The following SAP130 variants were observed in gnomAD, a reference collection of about 807,000 sequenced individuals.
The protein encoded by SAP130 is Sin3A associated protein 130.
In SAP130, 16 loss-of-function variants were observed where a neutral mutation model predicts 103.2. That is an observed-to-expected ratio of 0.16 (90% CI 0.10 to 0.24). The LOEUF is 0.24. Ranked by LOEUF, SAP130 falls within the 10% of genes least tolerant of loss-of-function variation. The pLI, the probability that SAP130 is intolerant of heterozygous loss-of-function variation, is 1.00. For synonymous variants in SAP130, 477 were observed against 497.0 expected, an observed-to-expected ratio of 0.96 and a Z score of 0.53; for missense variants, 990 against 1,359.7, an observed-to-expected ratio of 0.73 and a Z score of 4.28.
At chr2:127,958,027 T>C (rs1008033331) in intron 15 of SAP130, among the ~76,000 whole-genome samples, 1 of 152,150 alleles carries the variant, frequency 6.6e-6, no homozygotes, top group Admixed American at 6.5e-5. Flanking sequence ...ATACAGCACA[T>C]ATAAAACCAA....
intron 2 of SAP130, among the ~76,000 whole-genome samples, chr2:128,023,214 G>A (rs1025739061): frequency 6.6e-6 from 1 of 151,764 alleles, no homozygotes; most frequent in East Asian, 1.9e-4. Context: ...AGCTGGTCTC[G>A]AACTCCTGGC....
chr2:128,027,360 G>T (rs1392642646), intron 1 of SAP130: 1 of 1,148,988 alleles, frequency 8.7e-7, no homozygotes, highest in Middle Eastern at 3.6e-4. Flanking sequence ...GTCAGTGGAG[G>T]CCCAGGACCA....
At chr2:127,968,974 G>A (rs992699035) in intron 15 of SAP130, among the ~76,000 whole-genome samples, 2 of 152,126 alleles carry the variant, frequency 1.3e-5, no homozygotes, top group Non-Finnish European at 1.5e-5. Context: ...GAGACTACGC[G>A]ACTCACAAAA....
At position 127,953,189 on chromosome 2, in the gene SAP130, G is replaced by A. The variant is rs72838488; in HGVS notation, c.2422+1797C>T. 3.3e-5 allele frequency among the ~76,000 whole-genome samples: 5 copies of A among 152,296 alleles called. No homozygotes were observed. Among genetic ancestry groups the A allele is most frequent in the Admixed American group, 6.5e-5 (1 of 15,294 alleles). On this transcript the variant is annotated intron_variant, in intron 16 of 20. Transcript: ENST00000643581. The surrounding 1 kb of genome is among the most constrained non-coding windows in gnomAD (Gnocchi z 4.0). ...GCCAATGGCAACTCTATGGCTTCCA[G>A]TTGCTAAGGCCAAAAATCTTGGAAA...
chr2:127,959,232 G>A (rs766108827), intron 15 of SAP130, among the ~76,000 whole-genome samples: 4 of 152,094 alleles, frequency 2.6e-5, no homozygotes, highest in Non-Finnish European at 5.9e-5. Context: ...ACAGGGCGCT[G>A]GAGAAGCTGA....
At chr2:128,002,434 G>A (rs554446012) in intron 7 of SAP130, among the ~76,000 whole-genome samples, 56 of 152,064 alleles carry the variant, frequency 3.7e-4, no homozygotes, top group African/African-American at 1.3e-3. Flanking sequence ...GAGGCTGAGG[G>A]AGGAGAATCA....
intron 10 of SAP130, among the ~76,000 whole-genome samples, chr2:127,997,777 C>T (rs764775126): frequency 6.6e-6 from 1 of 152,060 alleles, no homozygotes; most frequent in Non-Finnish European, 1.5e-5. Flanking sequence ...CCAGACATAC[C>T]CCACCACTCA....
At chr2:127,968,417 T>C (rs1680826686) in intron 15 of SAP130, among the ~76,000 whole-genome samples, 1 of 144,660 alleles carries the variant, frequency 6.9e-6, no homozygotes. Flanking sequence ...GGAGTTGGTT[T>C]TTTTTTTTTT....
At chr2:127,949,368 G>T (rs1413745211) in intron 18 of SAP130, among the ~76,000 whole-genome samples, 1 of 152,178 alleles carries the variant, frequency 6.6e-6, no homozygotes, top group African/African-American at 2.4e-5. Context: ...TTATTCTCAG[G>T]TTCCACCAGA....
rs146434664 is a variant in SAP130, at chr2:128,022,415, G to A, written c.112+3766C>T. ...TGGCTATTATGAATACAGTTTCTAC[G>A]AACATGTGAATATAAGTCCTTGTAT... On this transcript the variant is annotated intron_variant, in intron 2 of 20. Coordinates refer to ENST00000643581, the MANE Select transcript of SAP130 (RefSeq NM_001330301.2). Among the ~76,000 whole-genome samples, 914 of 152,212 alleles carry A rather than the reference G, an allele frequency of 6.0e-3. 1 individual carries two copies. The highest frequency in any genetic ancestry group is 7.2e-3 in the Non-Finnish European group (489 of 68,012).
intron 16 of SAP130, among the ~76,000 whole-genome samples, chr2:127,954,619 G>C (rs954531099): frequency 2.0e-5 from 3 of 152,026 alleles, no homozygotes; most frequent in Non-Finnish European, 4.4e-5. Context: ...AATGAAACTT[G>C]GAATAAATAG....
At chr2:127,979,304 A>G (rs1488115064) in intron 14 of SAP130, among the ~76,000 whole-genome samples, 1 of 152,176 alleles carries the variant, frequency 6.6e-6, no homozygotes, top group Non-Finnish European at 1.5e-5. Flanking sequence ...GACCCTGATG[A>G]CACCTTCATT....
At chr2:127,944,073 C>A (rs1678894387) in intron 19 of SAP130, among the ~76,000 whole-genome samples, 1 of 152,066 alleles carries the variant, frequency 6.6e-6, no homozygotes, top group Non-Finnish European at 1.5e-5. Context: ...ACTCTGTTAT[C>A]CAGGATGGAG....
At chr2:128,005,626 A>G (rs914448580) in intron 7 of SAP130, among the ~76,000 whole-genome samples, 1 of 151,810 alleles carries the variant, frequency 6.6e-6, no homozygotes, top group Admixed American at 6.6e-5. Flanking sequence ...AAAAACAAAC[A>G]AACTGTTCAT....
chr2:127,960,742 T>C (rs1464397011), intron 15 of SAP130, among the ~76,000 whole-genome samples: 1 of 152,154 alleles, frequency 6.6e-6, no homozygotes, highest in Admixed American at 6.6e-5. Context: ...TACCACTATA[T>C]CTCAGCATTC....
chr2:128,016,781 C>G (rs1684819436), intron 3 of SAP130, among the ~76,000 whole-genome samples: 1 of 152,194 alleles, frequency 6.6e-6, no homozygotes, highest in Admixed American at 6.5e-5. Flanking sequence ...GCCACACACA[C>G]AGTAAGAAGT....
intron 11 of SAP130, among the ~76,000 whole-genome samples, chr2:127,994,890 A>G (rs968891051): frequency 3.3e-5 from 5 of 152,264 alleles, no homozygotes; most frequent in Admixed American, 6.5e-5. Context: ...GCTAATTTAC[A>G]GAATTATTTA....
rs1158516060 is a variant in SAP130, at chr2:127,942,288, T to G, written c.3016-124A>C. On this transcript the variant is annotated intron_variant, in intron 20 of 20. Coordinates refer to ENST00000643581, the MANE Select transcript of SAP130 (RefSeq NM_001330301.2). The surrounding 1 kb of genome is among the most constrained non-coding windows in gnomAD (Gnocchi z 4.8). ...CACAACAGAGAAAATGTCTTTTTGTTTCTCAGGAGTGCAGGCTGAAGCACG... is the reference window on the plus strand; with the variant it reads ...CACAACAGAGAAAATGTCTTTTTGTGTCTCAGGAGTGCAGGCTGAAGCACG... The G allele has an allele frequency of 1.8e-6, 2 of 1,122,414 alleles. No homozygotes were observed. The highest frequency in any genetic ancestry group is 3.1e-5 in the African/African-American group (2 of 64,328). The allele number at this position is 1,122,414 out of a possible 1,614,324, so 69.5% of individuals were successfully genotyped here.
chr2:128,007,533 G>A (rs550820173), intron 7 of SAP130, among the ~76,000 whole-genome samples: 3 of 152,280 alleles, frequency 2.0e-5, no homozygotes, highest in African/African-American at 7.2e-5. Context: ...CTTTTATAAA[G>A]TTAAAATGAG....
Sources: allele counts gnomAD v4.1 joint callset (sites outside exome capture counted in the v4.1 genomes callset), GRCh38; gene constraint gnomAD v4.1.1; non-coding constraint Gnocchi (gnomAD v3.1); transcripts MANE v1.5; gene names NCBI Gene and HGNC (gene_info 2026-07-23, HGNC 2026-07-21).